The following TOX variants were observed in gnomAD, a reference collection of about 807,000 sequenced individuals.
The protein encoded by TOX is thymocyte selection-associated high mobility group box protein TOX.
TOX carries 11 observed loss-of-function variants against 53.7 expected under a neutral mutation model. The observed-to-expected ratio is 0.20, with a 90% CI of 0.13 to 0.34. TOX has a LOEUF of 0.34. Among genes scored for constraint, TOX ranks in the 10% least tolerant of loss-of-function variants. TOX has a pLI of 1.00. For synonymous variants in TOX, 225 were observed against 245.3 expected, an observed-to-expected ratio of 0.92 and a Z score of 0.77; for missense variants, 570 against 664.6, an observed-to-expected ratio of 0.86 and a Z score of 1.56.
chr8:58,913,113 TACTCCC>T (rs1291053407), intron 3 of TOX, among the ~76,000 whole-genome samples: 3 of 152,210 alleles, frequency 2.0e-5, no homozygotes, highest in African/African-American at 7.2e-5. Context: ...TTTGGCTCTC[TACTCCC>T]ACCTTATATA....
intron 1 of TOX, among the ~76,000 whole-genome samples, chr8:59,072,599 G>A (rs914422607): frequency 6.6e-5 from 10 of 152,150 alleles, no homozygotes; most frequent in East Asian, 1.9e-4. Context: ...ACATAGCCAC[G>A]TAGTTGCATT....
intron 7 of TOX, 109 bp downstream of exon 7, chr8:58,815,228 AT>A: frequency 7.2e-7 from 1 of 1,388,210 alleles, no homozygotes; most frequent in Non-Finnish European, 9.6e-7. Context: ...AAATAGAAGG[AT>A]AGAAAACACA....
At chr8:58,873,699 G>T (rs1811233622) in intron 3 of TOX, among the ~76,000 whole-genome samples, 1 of 152,054 alleles carries the variant, frequency 6.6e-6, no homozygotes, top group African/African-American at 2.4e-5. Flanking sequence ...GGCTTATTGT[G>T]CTGGCATCTG....
At chr8:58,912,671 C>A (rs544609341) in intron 3 of TOX, among the ~76,000 whole-genome samples, 3 of 152,178 alleles carry the variant, frequency 2.0e-5, no homozygotes, top group African/African-American at 7.2e-5. Context: ...CTGTGGGCTG[C>A]GCTTTGAGAA....
At chr8:58,968,167 A>G (rs192160659) in intron 1 of TOX, among the ~76,000 whole-genome samples, 23 of 152,340 alleles carry the variant, frequency 1.5e-4, no homozygotes, top group East Asian at 5.8e-4. Context: ...TTTTCATTAT[A>G]TATTGTTTAA....
chr8:58,930,041 G>A (rs763248291), intron 3 of TOX, among the ~76,000 whole-genome samples: 1 of 152,176 alleles, frequency 6.6e-6, no homozygotes, highest in Non-Finnish European at 1.5e-5. Context: ...AGTTGATTAA[G>A]TATTAAGACT....
At chr8:58,931,005 C>A (rs1812245680) in intron 3 of TOX, among the ~76,000 whole-genome samples, 2 of 152,026 alleles carry the variant, frequency 1.3e-5, no homozygotes, top group African/African-American at 2.4e-5. Flanking sequence ...ATAATTGATA[C>A]CCAGGCAGGA....
chr8:59,061,012 C>T (rs1803975111), intron 1 of TOX, among the ~76,000 whole-genome samples: 1 of 152,136 alleles, frequency 6.6e-6, no homozygotes, highest in Non-Finnish European at 1.5e-5. Flanking sequence ...TGTATCACTC[C>T]CTACTCAAAA....
chr8:59,009,888 C>G (rs1813868734), intron 1 of TOX, among the ~76,000 whole-genome samples: 1 of 152,132 alleles, frequency 6.6e-6, no homozygotes, highest in African/African-American at 2.4e-5. Context: ...GTGAAACTAA[C>G]AAGAGATATG....
At chr8:58,824,279 T>G (rs759089557) in intron 6 of TOX, among the ~76,000 whole-genome samples, 1 of 152,210 alleles carries the variant, frequency 6.6e-6, no homozygotes, top group Non-Finnish European at 1.5e-5. Context: ...AGGGAACTTA[T>G]GCACGTAAGA....
intron 1 of TOX, among the ~76,000 whole-genome samples, chr8:59,079,985 CT>C (rs140553464): frequency 0.28 from 39,969 of 140,696 alleles, 8,605 homozygotes; most frequent in African/African-American, 0.62. Flanking sequence ...GTTTTCTTTT[CT>C]TTTTTTTTTT....
At chr8:58,861,008 C>T (rs917004168) in intron 3 of TOX, among the ~76,000 whole-genome samples, 1 of 152,158 alleles carries the variant, frequency 6.6e-6, no homozygotes, top group Non-Finnish European at 1.5e-5. Flanking sequence ...TGAGCCACCT[C>T]GTTTCTGATT....
intron 3 of TOX, among the ~76,000 whole-genome samples, chr8:58,879,342 T>C (rs1005696330): frequency 1.3e-5 from 2 of 152,194 alleles, no homozygotes; most frequent in Non-Finnish European, 2.9e-5. Context: ...GTGCATATAA[T>C]TTAGAAATTA....
chr8:59,102,637 T>C (rs1804826701), intron 1 of TOX, among the ~76,000 whole-genome samples: 1 of 152,160 alleles, frequency 6.6e-6, no homozygotes, highest in Admixed American at 6.5e-5. Flanking sequence ...ACCAGGTCTC[T>C]CCCACAAGAC....
chr8:58,807,646 T>C lies in TOX; in HGVS notation c.*101A>G. 7.1e-7 allele frequency: 1 copy of C among 1,404,164 alleles called. No homozygotes were observed. The highest frequency in any genetic ancestry group is 1.0e-6 in the Non-Finnish European group (1 of 1,002,068). The allele number at this position is 1,404,164 out of a possible 1,614,324, so 87.0% of individuals were successfully genotyped here. A position where few individuals can be genotyped will look rare whatever the true frequency, so the allele number is the denominator to read the frequency against. Reference sequence around the variant, plus strand: ...ATGGTCCTAAGTGCTTAGCAACTTGTATTTTCTAATAAAATGGAGAACTGC... The same window carrying C: ...ATGGTCCTAAGTGCTTAGCAACTTGCATTTTCTAATAAAATGGAGAACTGC... On this transcript the variant is annotated 3_prime_UTR_variant, in exon 9 of 9. Coordinates refer to ENST00000361421, the MANE Select transcript of TOX (RefSeq NM_014729.3).
chr8:58,944,898 C>T lies in TOX; in HGVS notation c.169-5354G>A, dbSNP rs72651322. 6.7e-3 allele frequency among the ~76,000 whole-genome samples: 1,024 copies of T among 152,220 alleles called. 7 individuals carry two copies. Among genetic ancestry groups the T allele is most frequent in the Middle Eastern group, 0.017 (5 of 294 alleles). ...TTCAGTATATTTGCCATTGATTAGG[C>T]CTCATAGTGGAGAAAAGTGTAAACC... is the stretch of plus-strand genomic sequence containing the variant. On this transcript the variant is annotated intron_variant, in intron 2 of 8. Transcript: ENST00000361421.
At chr8:58,910,849 G>C (rs1563386955) in intron 3 of TOX, among the ~76,000 whole-genome samples, 1 of 152,090 alleles carries the variant, frequency 6.6e-6, no homozygotes, top group Non-Finnish European at 1.5e-5. Context: ...GCTATCACTG[G>C]TATTTATCAA....
At chr8:59,028,239 C>CA (rs1017692959) in intron 1 of TOX, among the ~76,000 whole-genome samples, 1 of 150,086 alleles carries the variant, frequency 6.7e-6, no homozygotes, top group Non-Finnish European at 1.5e-5. Flanking sequence ...TAAGAACGAA[C>CA]TTTTTTTTTT....
At chr8:59,015,294 T>C (rs1260919630) in intron 1 of TOX, among the ~76,000 whole-genome samples, 2 of 152,232 alleles carry the variant, frequency 1.3e-5, no homozygotes, top group Non-Finnish European at 2.9e-5. Flanking sequence ...GGTGCAGACA[T>C]GCAGAAGAGG....
Sources: allele counts gnomAD v4.1 joint callset (sites outside exome capture counted in the v4.1 genomes callset), GRCh38; gene constraint gnomAD v4.1.1; transcripts MANE v1.5; gene names NCBI Gene and HGNC (gene_info 2026-07-23, HGNC 2026-07-21).